The following RPRD2 variants were observed in gnomAD, a reference collection of about 807,000 sequenced individuals.
The protein encoded by RPRD2 is regulation of nuclear pre-mRNA domain-containing protein 2.
A neutral mutation model predicts 104.4 loss-of-function variants in RPRD2; 12 were observed. The ratio of observed to expected loss-of-function variants is 0.11; its 90% CI spans 0.07 to 0.19. RPRD2 has a LOEUF of 0.19. RPRD2 is among the 10% of genes least tolerant of loss of function. RPRD2 has a pLI of 1.00. For missense variants in RPRD2, 1,543 were observed against 1,790.1 expected (o/e 0.86, Z 2.49); for synonymous variants, 714 against 684.9 (o/e 1.04, Z -0.66).
At chr1:150,411,144 C>A (rs1416542023) in intron 1 of RPRD2, among the ~76,000 whole-genome samples, 1 of 152,072 alleles carries the variant, frequency 6.6e-6, no homozygotes, top group Non-Finnish European at 1.5e-5. Context: ...CAGTCCCTGG[C>A]ATATAGAAAG....
chr1:150,390,340 T>G (rs1661968098), intron 1 of RPRD2, among the ~76,000 whole-genome samples: 1 of 151,856 alleles, frequency 6.6e-6, no homozygotes, highest in African/African-American at 2.4e-5. Flanking sequence ...ACTAAAAATA[T>G]TAAAAAATTA....
chr1:150,400,345 C>G (rs1038703037), intron 1 of RPRD2, among the ~76,000 whole-genome samples: 1 of 151,954 alleles, frequency 6.6e-6, no homozygotes, highest in Non-Finnish European at 1.5e-5. Context: ...ATCTATATAC[C>G]TTTTCTTTCT....
At chr1:150,379,282 CA>C (rs1168748079) in intron 1 of RPRD2, among the ~76,000 whole-genome samples, 5 of 132,710 alleles carry the variant, frequency 3.8e-5, no homozygotes, top group East Asian at 2.2e-4. Context: ...GACTCCATCT[CA>C]AAAAAAAAAC....
At chr1:150,395,157 C>A (rs1662401608) in intron 1 of RPRD2, among the ~76,000 whole-genome samples, 1 of 152,094 alleles carries the variant, frequency 6.6e-6, no homozygotes, top group Non-Finnish European at 1.5e-5. Flanking sequence ...CACCCCCTTC[C>A]CACTCTTTCC....
chr1:150,448,246 G>A (rs182025862), intron 7 of RPRD2, among the ~76,000 whole-genome samples: 1 of 152,108 alleles, frequency 6.6e-6, no homozygotes, highest in Admixed American at 6.6e-5. Flanking sequence ...TGGCCTCACT[G>A]CAACCTCCAC....
intron 1 of RPRD2, among the ~76,000 whole-genome samples, chr1:150,392,231 G>T (rs1407884064): frequency 1.3e-5 from 2 of 152,046 alleles, no homozygotes; most frequent in African/African-American, 4.8e-5. Flanking sequence ...TTAGGGGTGG[G>T]TGCAGTGGCT....
chr1:150,384,695 C>T (rs1049238848), intron 1 of RPRD2, among the ~76,000 whole-genome samples: 4 of 139,332 alleles, frequency 2.9e-5, no homozygotes, highest in Admixed American at 1.5e-4. Context: ...TTAGTAGAGA[C>T]CAGGTTTCAC....
intron 1 of RPRD2, among the ~76,000 whole-genome samples, chr1:150,369,242 C>G (rs1005996526): frequency 5.9e-5 from 9 of 152,010 alleles, no homozygotes; most frequent in Non-Finnish European, 1.0e-4. Flanking sequence ...TGCAATTTGC[C>G]CAGATTATCA....
rs186275199 is a variant in RPRD2 at position 150,472,764 on chromosome 1, T to C, written c.3816T>C (p.Pro1272=). 5,188 of 1,609,018 alleles carry C rather than the reference T, an allele frequency of 3.2e-3. 18 individuals are homozygous for C. Among genetic ancestry groups the C allele is most frequent in the Non-Finnish European group, 4.1e-3 (4,809 of 1,176,220 alleles). Residue 1272 remains proline, a synonymous_variant, in exon 11 of 11, where the codon CCT becomes CCC. Coordinates refer to ENST00000369068, the MANE Select transcript of RPRD2 (RefSeq NM_015203.5). ...GAATTCCTTTCCCTACCCCACCTCC[T>C]CCTCCCCCTCCTGGGGAACATAGCA... ...HSGIPFPTPP[P]PPPPGEHSSS...
At chr1:150,458,212 T>G (rs1972031) in intron 8 of RPRD2, among the ~76,000 whole-genome samples, 2 of 152,140 alleles carry the variant, frequency 1.3e-5, no homozygotes, top group African/African-American at 2.4e-5. Flanking sequence ...CTCAGCACTT[T>G]GTGAGGCTGA....
intron 1 of RPRD2, among the ~76,000 whole-genome samples, chr1:150,386,396 G>A (rs1432184426): frequency 5.3e-5 from 8 of 152,172 alleles, no homozygotes; most frequent in Non-Finnish European, 1.0e-4. Context: ...ACTAGTCTGG[G>A]CAACGTGACA....
intron 2 of RPRD2, among the ~76,000 whole-genome samples, chr1:150,440,339 A>T (rs1553894119): frequency 6.6e-6 from 1 of 152,184 alleles, no homozygotes; most frequent in East Asian, 1.9e-4. Context: ...AAGCGCTGGG[A>T]TTACAGGCGT....
intron 10 of RPRD2, among the ~76,000 whole-genome samples, chr1:150,468,479 T>C (rs1668418237): frequency 6.6e-6 from 1 of 152,160 alleles, no homozygotes. Flanking sequence ...TCCCAAAATA[T>C]CTGAAAAATA....
intron 1 of RPRD2, among the ~76,000 whole-genome samples, chr1:150,387,507 A>G (rs111316491): frequency 4.7e-4 from 66 of 141,118 alleles, no homozygotes; most frequent in Middle Eastern, 3.7e-3. Flanking sequence ...GACAGGCTAG[A>G]TATTTTGCAG....
intron 7 of RPRD2, among the ~76,000 whole-genome samples, chr1:150,451,258 A>G (rs149217889): frequency 1.0e-3 from 155 of 152,312 alleles, no homozygotes; most frequent in African/African-American, 3.5e-3. Flanking sequence ...TCGTCTTGTC[A>G]GATGGCACAC....
At chr1:150,432,707 G>T (rs1665693032) in intron 2 of RPRD2, among the ~76,000 whole-genome samples, 1 of 151,994 alleles carries the variant, frequency 6.6e-6, no homozygotes, top group Non-Finnish European at 1.5e-5. Context: ...GCTGCGCATG[G>T]TGGCTCACAC....
chr1:150,459,319 C>T (rs1323411696), intron 8 of RPRD2, among the ~76,000 whole-genome samples: 1 of 152,096 alleles, frequency 6.6e-6, no homozygotes. Context: ...ATTGCACCCC[C>T]CAATAGGGCA....
intron 2 of RPRD2, among the ~76,000 whole-genome samples, chr1:150,421,852 C>A (rs1553889660): frequency 6.6e-6 from 1 of 151,900 alleles, no homozygotes; most frequent in African/African-American, 2.4e-5. Flanking sequence ...GTGGCATGTG[C>A]CTGTAGTCCT....
At chr1:150,368,293 A>G (rs1329105593) in intron 1 of RPRD2, among the ~76,000 whole-genome samples, 1 of 141,164 alleles carries the variant, frequency 7.1e-6, no homozygotes, top group Non-Finnish European at 1.5e-5. Flanking sequence ...AATTAATTTA[A>G]TTTAATTTAA....
Sources: allele counts gnomAD v4.1 joint callset (sites outside exome capture counted in the v4.1 genomes callset), GRCh38; gene constraint gnomAD v4.1.1; transcripts MANE v1.5; gene names NCBI Gene and HGNC (gene_info 2026-07-23, HGNC 2026-07-21).